Variants in METTL21C observed in about 807,000 individuals in gnomAD.
The protein encoded by METTL21C is protein-lysine methyltransferase METTL21C.
Under a neutral mutation model 25.9 loss-of-function variants are expected in METTL21C, and 21 were observed. That is an observed-to-expected ratio of 0.81 (90% CI 0.58 to 1.17). The LOEUF is 1.17. Among genes scored for constraint, METTL21C ranks in the 50% most tolerant of loss-of-function variants. The pLI is 0.00. For synonymous variants in METTL21C, 125 were observed against 124.7 expected (o/e 1.00, Z -0.01); for missense variants, 312 against 315.1 (o/e 0.99, Z 0.07).
upstream of METTL21C, among the ~76,000 whole-genome samples, chr13:102,695,231 G>A (rs188086122): frequency 1.3e-5 from 2 of 152,266 alleles, no homozygotes; most frequent in Admixed American, 1.3e-4. Flanking sequence ...ATGCTTTGGG[G>A]AGGAAGAAAG....
At chr13:102,687,151 T>C in intron 2 of METTL21C, 94 bp from the exon 3 acceptor site, 1 of 860,310 alleles carries the variant, frequency 1.2e-6, no homozygotes, top group Non-Finnish European at 1.9e-6. Context: ...CTAAAAGACA[T>C]GTTATTACAT....
In METTL21C at chr13:102,689,594, C is replaced by T. The variant is rs760243618; in HGVS notation, c.282+1219G>A. 2.6e-5 allele frequency among the ~76,000 whole-genome samples: 4 copies of T among 152,280 alleles called. No homozygotes were observed. In the East Asian group the frequency reaches 5.8e-4, roughly 22 times the overall value. ...GTGTAAGACCTCCTGAATCAGAATC[C>T]GCATTTTAACAAGACTGCAGATTGA... On this transcript the variant is annotated intron_variant, in intron 2 of 3. Transcript: ENST00000267273.
the METTL21C span, among the ~76,000 whole-genome samples, chr13:102,703,211 T>C: frequency 6.6e-6 from 1 of 152,216 alleles, no homozygotes; most frequent in South Asian, 2.1e-4. Flanking sequence ...TTTTAGAGCT[T>C]CACGTGCTGC....
intron 1 of METTL21C, among the ~76,000 whole-genome samples, chr13:102,692,791 C>T (rs967133423): frequency 1.3e-5 from 2 of 152,160 alleles, no homozygotes; most frequent in Non-Finnish European, 2.9e-5. Context: ...GTCCTGAGAC[C>T]TTGTCCTTTG....
rs1454582319 is a variant in METTL21C at position 102,694,349 on chromosome 13, G to A, written c.130+20C>T. On this transcript the variant is annotated intron_variant, in intron 1 of 3. Coordinates refer to ENST00000267273, the MANE Select transcript of METTL21C (RefSeq NM_001010977.3). ...AAAACAACTGAGGAAAACTGTTGAA[G>A]TGATGAAGAAGGAGGTTACCTTCTA... is the stretch of plus-strand genomic sequence containing the variant. 3 of 1,598,078 alleles carry A rather than the reference G, an allele frequency of 1.9e-6. No homozygotes were observed. Among genetic ancestry groups the A allele is most frequent in the Admixed American group, 1.7e-5 (1 of 59,170 alleles).
intron 1 of METTL21C, among the ~76,000 whole-genome samples, 163 bp from the exon 2 acceptor site, chr13:102,691,127 T>C (rs1159058921): frequency 6.6e-6 from 1 of 152,104 alleles, no homozygotes; most frequent in Non-Finnish European, 1.5e-5. Context: ...CAAAATTGAA[T>C]TATATGGGGT....
chr13:102,703,079 C>T, the METTL21C span, among the ~76,000 whole-genome samples: 1 of 152,194 alleles, frequency 6.6e-6, no homozygotes, highest in Non-Finnish European at 1.5e-5. Context: ...CAAATAAATA[C>T]TCTCATTGCA....
At chr13:102,702,056 C>A in the METTL21C span, among the ~76,000 whole-genome samples, 1 of 151,820 alleles carries the variant, frequency 6.6e-6, no homozygotes, top group Admixed American at 6.6e-5. Context: ...CCCAGCTCCT[C>A]TGGAGGCTGA....
In METTL21C at chr13:102,686,342, C is replaced by T; in HGVS notation, c.484G>A (p.Ala162Thr). The change falls in exon 4 of 4, where the codon GCA becomes ACA. Residue 162 changes from alanine to threonine, a missense_variant. Coordinates refer to ENST00000267273, the MANE Select transcript of METTL21C (RefSeq NM_001010977.3). ...NLLKNTLQCT[A>T]HLPEVKELVW... ...AGTTCTTTCACTTCAGGCAGATGTGCTGTACATTGTAGTGTGTTTTTTAAA... is the reference window on the plus strand; with the variant it reads ...AGTTCTTTCACTTCAGGCAGATGTGTTGTACATTGTAGTGTGTTTTTTAAA... The T allele has an allele frequency of 6.2e-7, 1 of 1,614,204 alleles. No homozygotes were observed. The highest frequency in any genetic ancestry group is 8.5e-7 in the Non-Finnish European group (1 of 1,180,038).
intron 1 of METTL21C, among the ~76,000 whole-genome samples, chr13:102,693,213 T>C (rs1314996685): frequency 6.6e-6 from 1 of 152,158 alleles, no homozygotes; most frequent in Non-Finnish European, 1.5e-5. Context: ...ATAGAATAAT[T>C]GATGATGAGT....
the METTL21C span, among the ~76,000 whole-genome samples, chr13:102,703,212 C>T: frequency 6.6e-6 from 1 of 152,198 alleles, no homozygotes; most frequent in Admixed American, 6.5e-5. Context: ...TTTAGAGCTT[C>T]ACGTGCTGCC....
chr13:102,688,765 G>T (rs1399217416), intron 2 of METTL21C, among the ~76,000 whole-genome samples: 1 of 152,200 alleles, frequency 6.6e-6, no homozygotes. Flanking sequence ...GGCTGCAGGG[G>T]TCCTTCCTGG....
rs2139639492 is a variant in METTL21C at position 102,686,275 on chromosome 13, G to A, written c.551C>T (p.Ala184Val). 1 of 1,614,198 alleles carries A rather than the reference G, an allele frequency of 6.2e-7. No homozygotes were observed. The highest frequency in any genetic ancestry group is 2.2e-5 in the East Asian group (1 of 44,876). The change falls in exon 4 of 4, where the codon GCT becomes GTT. Residue 184 changes from alanine to valine, a missense_variant. Ala to Val is a moderately conservative substitution (Grantham distance 64). Coordinates refer to ENST00000267273, the MANE Select transcript of METTL21C (RefSeq NM_001010977.3). ...GGCTAGGACGTAATCATAGTAAAAAGCTGACTTGGGAAAGTTTTTGTCCAG... is the reference window on the plus strand; with the variant it reads ...GGCTAGGACGTAATCATAGTAAAAAACTGACTTGGGAAAGTTTTTGTCCAG... ...EDLDKNFPKS[A>V]FYYDYVLASD...
At chr13:102,690,463 C>T (rs915122909) in intron 2 of METTL21C, among the ~76,000 whole-genome samples, 10 of 151,546 alleles carry the variant, frequency 6.6e-5, no homozygotes, top group Admixed American at 3.3e-4. Context: ...GGCTGAGGGT[C>T]GATGGGCGTG....
At chr13:102,698,565 C>T (rs527847270), upstream of METTL21C, among the ~76,000 whole-genome samples, 1 of 152,254 alleles carries the variant, frequency 6.6e-6, no homozygotes, top group South Asian at 2.1e-4. Context: ...CTGAAGGACC[C>T]CCCAAGAAGC....
intron 2 of METTL21C, among the ~76,000 whole-genome samples, chr13:102,690,139 G>A (rs370249932): frequency 2.6e-5 from 4 of 152,264 alleles, no homozygotes; most frequent in South Asian, 2.1e-4. Flanking sequence ...ATGGCTGGCC[G>A]GCCGGGCGTG....
the METTL21C span, among the ~76,000 whole-genome samples, chr13:102,702,207 G>A: frequency 0.064 from 8,891 of 139,470 alleles, 849 homozygotes; most frequent in African/African-American, 0.25. Flanking sequence ...ATATATATAT[G>A]TAGAGAGAGA....
At chr13:102,696,910 A>T (rs1161169425), upstream of METTL21C, among the ~76,000 whole-genome samples, 3 of 152,112 alleles carry the variant, frequency 2.0e-5, no homozygotes, top group Admixed American at 1.3e-4. Context: ...TCAGGAAGGG[A>T]TTGACGGGGG....
upstream of METTL21C, among the ~76,000 whole-genome samples, chr13:102,695,279 G>A (rs1885929984): frequency 6.6e-6 from 1 of 152,138 alleles, no homozygotes; most frequent in Admixed American, 6.5e-5. Flanking sequence ...GGAGTCAAAG[G>A]CTTAACGTTG....
Sources: allele counts gnomAD v4.1 joint callset (sites outside exome capture counted in the v4.1 genomes callset), GRCh38; gene constraint gnomAD v4.1.1; transcripts MANE v1.5; gene names NCBI Gene and HGNC (gene_info 2026-07-23, HGNC 2026-07-21).